The following SMOC2 variants were observed in gnomAD, a reference collection of about 807,000 sequenced individuals.
SMOC2 encodes the protein SPARC-related modular calcium-binding protein 2.
In SMOC2, 39 loss-of-function variants were observed where a neutral mutation model predicts 61.4. The observed-to-expected ratio is 0.64, with a 90% CI of 0.49 to 0.83. The LOEUF (loss-of-function observed/expected upper bound fraction) is 0.83, where lower values mean the gene tolerates loss of function less well. Among genes scored for constraint, SMOC2 ranks in the 40% least tolerant of loss-of-function variants. The pLI is 0.00. For synonymous variants in SMOC2, 247 were observed against 239.9 expected (o/e 1.03, Z -0.27); for missense variants, 556 against 592.9 (o/e 0.94, Z 0.65).
Position 168,441,430 on chromosome 6 carries a change from C to G in SMOC2, c.60C>G (p.Pro20=), listed in dbSNP as rs553730194. 244 of 1,510,432 alleles carry G rather than the reference C, an allele frequency of 1.6e-4. No individual in the cohort carries two copies. The Middle Eastern group carries it at 3.4e-3, about 21-fold the overall frequency. The allele number at this position is 1,510,432 out of a possible 1,614,324, so 93.6% of individuals were successfully genotyped here. ...PLLAGLLPPV[P]AQKFSALTFL... Reference sequence around the variant, plus strand: ...TCGCTGGGCTGCTCCCGCCGGTGCCCGCTCAGAAGTTCTCGGCGCTCACGG... The same window carrying G: ...TCGCTGGGCTGCTCCCGCCGGTGCCGGCTCAGAAGTTCTCGGCGCTCACGG... Residue 20 remains proline, a synonymous_variant, in exon 1 of 13, where the codon CCC becomes CCG. Transcript: ENST00000356284.
At chr6:168,559,046 A>G (rs1224383728) in intron 7 of SMOC2, among the ~76,000 whole-genome samples, 1 of 152,268 alleles carries the variant, frequency 6.6e-6, no homozygotes, top group Non-Finnish European at 1.5e-5. Flanking sequence ...TCGTAGTGAC[A>G]GGATTAATAG....
intron 9 of SMOC2, among the ~76,000 whole-genome samples, chr6:168,642,928 G>C (rs1786930022): frequency 6.6e-6 from 1 of 152,210 alleles, no homozygotes; most frequent in Non-Finnish European, 1.5e-5. Context: ...TTCTGTGGCT[G>C]TAGAACTAGA....
At chr6:168,654,407 AAAT>A (rs1787283381) in intron 11 of SMOC2, among the ~76,000 whole-genome samples, 1 of 31,128 alleles carries the variant, frequency 3.2e-5, no homozygotes. Flanking sequence ...AGCTCCAACC[AAAT>A]GTTAGGAACT....
chr6:168,479,510 T>A (rs1406174820), intron 1 of SMOC2, among the ~76,000 whole-genome samples: 1 of 152,226 alleles, frequency 6.6e-6, no homozygotes, highest in Non-Finnish European at 1.5e-5. Context: ...ATTTTGGAAC[T>A]CTGGAGTCCA....
intron 7 of SMOC2, among the ~76,000 whole-genome samples, chr6:168,585,538 C>T (rs903687675): frequency 6.6e-6 from 1 of 152,198 alleles, no homozygotes; most frequent in Non-Finnish European, 1.5e-5. Context: ...ACTAGTCATT[C>T]GTGAGTGCAT....
At chr6:168,562,274 A>ATGTG (rs1784434290) in intron 7 of SMOC2, among the ~76,000 whole-genome samples, 1 of 34,330 alleles carries the variant, frequency 2.9e-5, no homozygotes, top group Admixed American at 3.1e-4. Flanking sequence ...CCTGAGACAC[A>ATGTG]AGGCTCTCAC....
At chr6:168,510,641 A>T (rs1157381186) in intron 2 of SMOC2, among the ~76,000 whole-genome samples, 1 of 152,220 alleles carries the variant, frequency 6.6e-6, no homozygotes, top group Non-Finnish European at 1.5e-5. Context: ...TATCTAGGAA[A>T]AAAGACCACA....
intron 1 of SMOC2, among the ~76,000 whole-genome samples, chr6:168,508,453 G>A (rs796305088): frequency 1.5e-4 from 23 of 152,298 alleles, no homozygotes; most frequent in African/African-American, 5.5e-4. Flanking sequence ...GCCTTGCCGA[G>A]TTAGCTCCAC....
intron 2 of SMOC2, among the ~76,000 whole-genome samples, chr6:168,517,429 G>GGC (rs1783169433): frequency 6.6e-6 from 1 of 152,222 alleles, no homozygotes; most frequent in African/African-American, 2.4e-5. Flanking sequence ...AAAGCCAGGC[G>GGC]GCTTCACGTC....
rs200147367 is a variant in SMOC2, at chr6:168,529,207, CT to C, written c.463+1489del. 1.3e-4 allele frequency among the ~76,000 whole-genome samples: 20 copies of C among 151,552 alleles called. No individual in the cohort carries two copies. The East Asian group carries it at 2.1e-3, about 16-fold the overall frequency. On this transcript the variant is annotated intron_variant, in intron 4 of 12. Coordinates refer to ENST00000356284, the MANE Select transcript of SMOC2 (RefSeq NM_001166412.2). ...ATCATCTCACTGTATAGAAATATTC[CT>C]TTTTTTTTAACTGCCTACGTGGAAC...
At chr6:168,607,652 C>T (rs1369174196) in intron 8 of SMOC2, among the ~76,000 whole-genome samples, 2 of 148,092 alleles carry the variant, frequency 1.4e-5, no homozygotes, top group Non-Finnish European at 3.0e-5. Context: ...ATGAGTTGGC[C>T]TTTGGTGCTA....
rs1785392533 is a variant in SMOC2 at position 168,598,722 on chromosome 6, A to G, written c.638-96A>G. The G allele has an allele frequency of 6.4e-6, 9 of 1,406,834 alleles. No homozygotes were observed. The Admixed American group carries it at 1.6e-4, about 25-fold the overall frequency. 87.1% of individuals were successfully genotyped at this position (1,406,834 alleles called of 1,614,324 possible). On this transcript the variant is annotated intron_variant, in intron 7 of 12. Transcript: ENST00000356284. ...CTGCTCCGGGGTGAAGGAGGACCACATCGTTCTTGGCAGTTCTCTGTGGCC... is the reference window on the plus strand; with the variant it reads ...CTGCTCCGGGGTGAAGGAGGACCACGTCGTTCTTGGCAGTTCTCTGTGGCC...
chr6:168,509,262 C>T (rs77249094), intron 1 of SMOC2, among the ~76,000 whole-genome samples: 5,407 of 152,262 alleles, frequency 0.036, 155 homozygotes, highest in South Asian at 0.15. Context: ...CTATGGCCTG[C>T]GGAGAGGATT....
intron 9 of SMOC2, among the ~76,000 whole-genome samples, chr6:168,636,045 AAGGAGGAATAG>A (rs1169431641): frequency 1.2e-4 from 19 of 152,196 alleles, no homozygotes; most frequent in African/African-American, 4.6e-4. Flanking sequence ...TCTGGCAATG[AAGGAGGAATAG>A]CATGTCTGTT....
chr6:168,624,713 CAG>C (rs1205249069), intron 9 of SMOC2, among the ~76,000 whole-genome samples: 1 of 151,768 alleles, frequency 6.6e-6, no homozygotes, highest in African/African-American at 2.4e-5. Flanking sequence ...CACGGACACA[CAG>C]ACACAGACAC....
At chr6:168,450,545 C>T (rs1428632624) in intron 1 of SMOC2, among the ~76,000 whole-genome samples, 1 of 152,126 alleles carries the variant, frequency 6.6e-6, no homozygotes, top group Non-Finnish European at 1.5e-5. Context: ...CTTCTCAGGC[C>T]CTGGGTTCTC....
At chr6:168,559,764 C>G (rs576928572) in intron 7 of SMOC2, among the ~76,000 whole-genome samples, 17 of 152,100 alleles carry the variant, frequency 1.1e-4, no homozygotes, top group African/African-American at 3.9e-4. Context: ...CGATTTATCT[C>G]GGGTGACTAG....
chr6:168,470,604 G>A (rs911800450), intron 1 of SMOC2, among the ~76,000 whole-genome samples: 1 of 152,110 alleles, frequency 6.6e-6, no homozygotes, highest in Non-Finnish European at 1.5e-5. Context: ...TTGAACCCAG[G>A]AGGCTGAGGT....
At chr6:168,481,576 C>T (rs2115023728) in intron 1 of SMOC2, among the ~76,000 whole-genome samples, 1 of 151,880 alleles carries the variant, frequency 6.6e-6, no homozygotes, top group East Asian at 1.9e-4. Flanking sequence ...TAACTAATCA[C>T]AAAATAAGAC....
Sources: allele counts gnomAD v4.1 joint callset (sites outside exome capture counted in the v4.1 genomes callset), GRCh38; gene constraint gnomAD v4.1.1; transcripts MANE v1.5; gene names NCBI Gene and HGNC (gene_info 2026-07-23, HGNC 2026-07-21).